The following HIBCH variants were observed in gnomAD, a reference collection of about 807,000 sequenced individuals.
The protein encoded by HIBCH is 3-hydroxyisobutyryl-CoA hydrolase.
In HIBCH, 50 loss-of-function variants were observed where a neutral mutation model predicts 58.2. That is an observed-to-expected ratio of 0.86 (90% CI 0.68 to 1.09). The LOEUF is 1.09. Ranked by LOEUF, HIBCH falls within the 50% of genes least tolerant of loss-of-function variation. The probability of loss-of-function intolerance (pLI) is 0.00; values close to 1 mark genes in which losing one functional copy is unlikely to be tolerated. For missense variants in HIBCH, 450 were observed against 449.7 expected (o/e 1.00, Z -0.01); for synonymous variants, 151 against 146.9 (o/e 1.03, Z -0.20).
intron 8 of HIBCH, among the ~76,000 whole-genome samples, chr2:190,251,295 G>C (rs555120655): frequency 2.0e-5 from 3 of 152,188 alleles, no homozygotes; most frequent in African/African-American, 7.2e-5. Flanking sequence ...TGATGACCAT[G>C]TGCTTCCTTG....
At chr2:190,257,152 A>G (rs932649209) in intron 7 of HIBCH, among the ~76,000 whole-genome samples, 12 of 152,224 alleles carry the variant, frequency 7.9e-5, no homozygotes, top group African/African-American at 2.4e-4. Context: ...ATAGCTTGAA[A>G]CATGTGATCA....
intron 11 of HIBCH, among the ~76,000 whole-genome samples, chr2:190,223,171 G>A (rs1397445652): frequency 1.3e-5 from 2 of 152,162 alleles, no homozygotes; most frequent in African/African-American, 4.8e-5. Flanking sequence ...CCTAATGTAC[G>A]TGACAGGTTG....
chr2:190,252,103 C>A, intron 8 of HIBCH, 59 bp downstream of exon 8: 1 of 1,522,414 alleles, frequency 6.6e-7, no homozygotes. Flanking sequence ...TGTACCTTCC[C>A]ATGCACTATT....
chr2:190,312,876 A>C (rs1475091990), intron 1 of HIBCH, among the ~76,000 whole-genome samples: 1 of 152,188 alleles, frequency 6.6e-6, no homozygotes, highest in Non-Finnish European at 1.5e-5. Context: ...AGGCAGGCGG[A>C]TCACCTGAGG....
At position 190,290,471 on chromosome 2, in the gene HIBCH, C is replaced by T; in HGVS notation, c.319G>A (p.Glu107Lys). 1 of 1,607,590 alleles carries T rather than the reference C, an allele frequency of 6.2e-7. No individual in the cohort carries two copies. Among genetic ancestry groups the T allele is most frequent in the Non-Finnish European group, 8.5e-7 (1 of 1,175,148 alleles). Residue 107 changes from glutamate to lysine, a missense_variant, in exon 5 of 14, where the codon GAA becomes AAA. Physicochemically the swap from Glu to Lys is moderately conservative, Grantham distance 56 (BLOSUM62 1). Coordinates refer to ENST00000359678, the MANE Select transcript of HIBCH (RefSeq NM_014362.4). ...GGAGCTATCTTCTGTTTTGCCTTTTCAGCTTCCGAGATCACTAGGAAGGAA... is the reference window on the plus strand; with the variant it reads ...GGAGCTATCTTCTGTTTTGCCTTTTTAGCTTCCGAGATCACTAGGAAGGAA... ...GGDIRVISEA[E>K]KAKQKIAPVF...
At chr2:190,258,843 T>A (rs1174254978) in intron 7 of HIBCH, among the ~76,000 whole-genome samples, 2 of 152,222 alleles carry the variant, frequency 1.3e-5, no homozygotes, top group East Asian at 3.8e-4. Context: ...CATATGGATA[T>A]CCAGTTTTTC....
chr2:190,314,403 G>A (rs996387072), intron 1 of HIBCH, among the ~76,000 whole-genome samples: 9 of 142,560 alleles, frequency 6.3e-5, no homozygotes, highest in East Asian at 4.0e-4. Flanking sequence ...ATATATATAC[G>A]TATATATGTG....
chr2:190,271,372 T>C (rs1322747540), intron 6 of HIBCH, among the ~76,000 whole-genome samples: 2 of 140,346 alleles, frequency 1.4e-5, no homozygotes, highest in Non-Finnish European at 3.0e-5. Context: ...CACTGCAACC[T>C]CTACCTCCCG....
At chr2:190,286,440 T>C (rs944600332) in intron 6 of HIBCH, among the ~76,000 whole-genome samples, 1 of 152,132 alleles carries the variant, frequency 6.6e-6, no homozygotes, top group Non-Finnish European at 1.5e-5. Context: ...TTCTCTATTG[T>C]CAATCTGTCT....
At chr2:190,208,816 A>G in intron 13 of HIBCH, 64 bp downstream of exon 13, 2 of 1,408,612 alleles carry the variant, frequency 1.4e-6, no homozygotes, top group South Asian at 1.2e-5. Context: ...TATCTTCTTT[A>G]ATTAACAGCA....
intron 11 of HIBCH, among the ~76,000 whole-genome samples, chr2:190,235,576 G>A (rs1291631413): frequency 6.6e-6 from 1 of 152,154 alleles, no homozygotes; most frequent in East Asian, 1.9e-4. Flanking sequence ...AAAACTCACA[G>A]AATTCAAGCA....
intron 11 of HIBCH, among the ~76,000 whole-genome samples, chr2:190,234,742 C>T (rs188208694): frequency 2.7e-3 from 414 of 151,512 alleles, no homozygotes; most frequent in African/African-American, 9.5e-3. Flanking sequence ...CCCAGTTACT[C>T]GGGAGGCTGA....
intron 1 of HIBCH, among the ~76,000 whole-genome samples, chr2:190,190,193 T>C (rs531938614): frequency 6.6e-6 from 1 of 152,360 alleles, no homozygotes; most frequent in African/African-American, 2.4e-5. Context: ...TTTAATAGCC[T>C]AGAAAGTTAT....
chr2:190,239,454 A>T (rs1686384989), intron 11 of HIBCH, among the ~76,000 whole-genome samples: 1 of 152,070 alleles, frequency 6.6e-6, no homozygotes, highest in Non-Finnish European at 1.5e-5. Flanking sequence ...CACGGGCTCT[A>T]TTTTGGTTCC....
rs951261917 is a variant in HIBCH at position 190,264,806 on chromosome 2, G to A, written c.439-3572C>T. On this transcript the variant is annotated intron_variant, in intron 6 of 13. Coordinates refer to ENST00000359678, the MANE Select transcript of HIBCH (RefSeq NM_014362.4). ...ATTTTGGTCAGATATATACCAGGGA[G>A]TAAAAGTGTCAGGTCAAAGGGTATT... Among the ~76,000 whole-genome samples the A allele has an allele frequency of 3.9e-5, 6 of 152,164 alleles. No homozygotes were observed. The East Asian group carries it at 9.7e-4, about 24-fold the overall frequency.
intron 1 of HIBCH, among the ~76,000 whole-genome samples, chr2:190,196,072 T>C (rs1254498815): frequency 6.6e-6 from 1 of 152,040 alleles, no homozygotes; most frequent in Non-Finnish European, 1.5e-5. Flanking sequence ...TTATTTTTAG[T>C]CCATTTTCTT....
chr2:190,313,857 T>C (rs1324953360), intron 1 of HIBCH, among the ~76,000 whole-genome samples: 1 of 152,138 alleles, frequency 6.6e-6, no homozygotes, highest in Non-Finnish European at 1.5e-5. Flanking sequence ...ACAGATCATA[T>C]CTTATTTAGG....
intron 6 of HIBCH, among the ~76,000 whole-genome samples, chr2:190,276,132 G>A (rs1687543665): frequency 6.6e-6 from 1 of 152,118 alleles, no homozygotes; most frequent in South Asian, 2.1e-4. Context: ...GACTGGTCAA[G>A]AGCAAAGGTT....
chr2:190,314,409 A>ATG (rs1244652232), intron 1 of HIBCH, among the ~76,000 whole-genome samples: 22 of 148,578 alleles, frequency 1.5e-4, no homozygotes, highest in Middle Eastern at 3.5e-3. Context: ...ATACGTATAT[A>ATG]TGTGTATATA....
Sources: gnomAD v4.1 joint callset for allele counts (sites outside exome capture counted in the v4.1 genomes callset) on GRCh38, gnomAD v4.1.1 for gene constraint, MANE v1.5 for transcripts, NCBI Gene and HGNC (gene_info 2026-07-23, HGNC 2026-07-21) for gene names.